Variants in SRGAP3 observed in about 807,000 individuals in gnomAD.
The protein encoded by SRGAP3 is SLIT-ROBO Rho GTPase-activating protein 3.
SRGAP3 carries 39 observed loss-of-function variants against 121.1 expected under a neutral mutation model. The ratio of observed to expected loss-of-function variants is 0.32; its 90% CI spans 0.25 to 0.42. The LOEUF (loss-of-function observed/expected upper bound fraction) is 0.42, where lower values mean the gene tolerates loss of function less well. SRGAP3 is among the 10% of genes least tolerant of loss of function. SRGAP3 has a pLI of 1.00. For missense variants in SRGAP3, 1,213 were observed against 1,470.6 expected, an observed-to-expected ratio of 0.82 and a Z score of 2.86; for synonymous variants, 601 against 570.0, an observed-to-expected ratio of 1.05 and a Z score of -0.77.
At chr3:9,250,364 C>T (rs1324850575), upstream of SRGAP3, among the ~76,000 whole-genome samples, 1 of 152,178 alleles carries the variant, frequency 6.6e-6, no homozygotes, top group African/African-American at 2.4e-5. Context: ...CACACAACTC[C>T]AGCAGTTTCC....
At chr3:9,210,912 T>C (rs959481427) in intron 1 of SRGAP3, among the ~76,000 whole-genome samples, 1 of 152,156 alleles carries the variant, frequency 6.6e-6, no homozygotes, top group South Asian at 2.1e-4. Flanking sequence ...CAAAATAGTA[T>C]AAATAATATC....
chr3:9,343,414 A>G (rs1463323397), intron 1 of SRGAP3, among the ~76,000 whole-genome samples: 1 of 152,176 alleles, frequency 6.6e-6, no homozygotes, highest in East Asian at 1.9e-4. Context: ...AACTACTACA[A>G]CAATCTCTCA....
intron 1 of SRGAP3, among the ~76,000 whole-genome samples, chr3:9,168,254 A>G (rs148818751): frequency 6.6e-6 from 1 of 152,228 alleles, no homozygotes; most frequent in Non-Finnish European, 1.5e-5. Flanking sequence ...CTTTGCTTGG[A>G]TCTGGACAAA....
rs1244994255 is a variant in SRGAP3, at chr3:9,362,312, G to A, written n.214+528C>T. The stretch of plus-strand genomic sequence containing the variant: ...CCAAGTAGCTAGGACTACAGGTGCA[G>A]GCCACCACATCCAGCTAACTTTTGT... On this transcript the variant is annotated intron_variant and non_coding_transcript_variant, in intron 1 of 3. Transcript: ENST00000490889. Among the ~76,000 whole-genome samples, 3 of 151,036 alleles carry A rather than the reference G, an allele frequency of 2.0e-5. No individual in the cohort carries two copies. The South Asian group carries it at 6.2e-4, about 31-fold the overall frequency.
intron 9 of SRGAP3, among the ~76,000 whole-genome samples, chr3:9,052,678 T>A (rs1018297988): frequency 3.9e-5 from 6 of 152,242 alleles, no homozygotes; most frequent in Admixed American, 6.5e-5. Flanking sequence ...CAATTCAACA[T>A]GATAATCTAT....
intron 3 of SRGAP3, among the ~76,000 whole-genome samples, chr3:9,296,729 CT>C: frequency 6.6e-6 from 1 of 152,332 alleles, no homozygotes; most frequent in Non-Finnish European, 1.5e-5. Context: ...AAACATAATA[CT>C]ACCAAATAGA....
intron 2 of SRGAP3, among the ~76,000 whole-genome samples, chr3:9,110,025 G>A (rs1948558604): frequency 6.6e-6 from 1 of 152,162 alleles, no homozygotes; most frequent in African/African-American, 2.4e-5. Flanking sequence ...AGACCTTGAA[G>A]GGTTTACAGA....
intron 18 of SRGAP3, among the ~76,000 whole-genome samples, chr3:8,995,066 C>T (rs1455241231): frequency 6.6e-6 from 1 of 152,016 alleles, no homozygotes; most frequent in African/African-American, 2.4e-5. Flanking sequence ...ATGTTGAAGC[C>T]CTCACCCACA....
Position 9,026,803 on chromosome 3 carries a change from A to G in SRGAP3, c.1600+132T>C, listed in dbSNP as rs1944229022. ...ACTCAGAAGAGCAGCTGCTGTGTGC[A>G]GTACTTTCCCCCTCCAAAGCAGAGC... is the stretch of plus-strand genomic sequence containing the variant. On this transcript the variant is annotated intron_variant, in intron 13 of 21. Transcript: ENST00000383836. 4.1e-6 allele frequency: 4 copies of G among 970,838 alleles called. No homozygotes were observed. The South Asian group carries it at 5.2e-5, about 13-fold the overall frequency. The allele number at this position is 970,838 out of a possible 1,614,324, so 60.1% of individuals were successfully genotyped here. A position where few individuals can be genotyped will look rare whatever the true frequency, so the allele number is the denominator to read the frequency against.
At chr3:9,058,716 T>A in intron 6 of SRGAP3, 2 of 41,606 alleles carry the variant, frequency 4.8e-5, no homozygotes, top group Non-Finnish European at 5.5e-5. Context: ...CTCTCTCTCT[T>A]TTTTTTTTTT....
At chr3:9,004,676 G>C (rs140543168) in intron 18 of SRGAP3, among the ~76,000 whole-genome samples, 2 of 152,280 alleles carry the variant, frequency 1.3e-5, no homozygotes, top group East Asian at 3.9e-4. Context: ...ATGTGGAAAA[G>C]AATAATTTTG....
chr3:9,198,889 C>G (rs1206092708), intron 1 of SRGAP3, among the ~76,000 whole-genome samples: 1 of 152,176 alleles, frequency 6.6e-6, no homozygotes, highest in Admixed American at 6.5e-5. Flanking sequence ...AAAATTAAAA[C>G]CCCAGCCTGT....
chr3:9,082,978 T>C (rs1947310129), intron 3 of SRGAP3, among the ~76,000 whole-genome samples: 1 of 152,160 alleles, frequency 6.6e-6, no homozygotes, highest in South Asian at 2.1e-4. Context: ...TCCCTCCAGC[T>C]TCGAGAGGGT....
intron 1 of SRGAP3, among the ~76,000 whole-genome samples, chr3:9,204,732 G>A (rs189521640): frequency 2.4e-3 from 371 of 152,274 alleles, no homozygotes; most frequent in African/African-American, 8.5e-3. Flanking sequence ...TACACAGAAG[G>A]CGTAAGCCGG....
At chr3:9,013,936 G>T in intron 15 of SRGAP3, 94 bp from the exon 16 acceptor site, 1 of 1,122,860 alleles carries the variant, frequency 8.9e-7, no homozygotes, top group African/African-American at 1.5e-5. Flanking sequence ...CAACCCACGT[G>T]GATGGGGGAG....
rs114948879 is a variant in SRGAP3 at position 9,178,605 on chromosome 3, C to T, written c.68-53688G>A. Reference sequence around the variant, plus strand: ...TGAGATCCAGAGAGGAATCAATCATCCAACTTCACAAAGCCAGACAGCAGC... The same window carrying T: ...TGAGATCCAGAGAGGAATCAATCATTCAACTTCACAAAGCCAGACAGCAGC... On this transcript the variant is annotated intron_variant, in intron 1 of 21. Transcript: ENST00000383836. 6.4e-3 allele frequency among the ~76,000 whole-genome samples: 980 copies of T among 152,310 alleles called. 5 individuals are homozygous for T. Among genetic ancestry groups the T allele is most frequent in the Admixed American group, 1.0e-2 (153 of 15,312 alleles).
At chr3:9,043,780 G>A (rs1217384927) in intron 10 of SRGAP3, among the ~76,000 whole-genome samples, 1 of 152,024 alleles carries the variant, frequency 6.6e-6, no homozygotes. Context: ...CTCTGTGATG[G>A]GCAATTAAAG....
chr3:9,200,716 T>C (rs1292676439), intron 1 of SRGAP3, among the ~76,000 whole-genome samples: 2 of 152,180 alleles, frequency 1.3e-5, no homozygotes, highest in Admixed American at 1.3e-4. Flanking sequence ...CCAGGCAGAA[T>C]TGTTCTGCGC....
At chr3:9,153,817 G>A (rs895641760) in intron 1 of SRGAP3, among the ~76,000 whole-genome samples, 11 of 152,112 alleles carry the variant, frequency 7.2e-5, no homozygotes, top group African/African-American at 2.2e-4. Context: ...ACTAAATCAT[G>A]TGCATTATAT....
Sources: allele counts gnomAD v4.1 joint callset (sites outside exome capture counted in the v4.1 genomes callset), GRCh38; gene constraint gnomAD v4.1.1; transcripts MANE v1.5; gene names NCBI Gene and HGNC (gene_info 2026-07-23, HGNC 2026-07-21).